Variants in RIMBP2 observed in about 807,000 individuals in gnomAD.
RIMBP2 encodes the protein RIMS-binding protein 2.
RIMBP2 carries 48 observed loss-of-function variants against 118.6 expected under a neutral mutation model. The observed-to-expected ratio is 0.40, with a 90% CI of 0.32 to 0.51. RIMBP2 has a LOEUF of 0.51. RIMBP2 is among the 20% of genes least tolerant of loss of function. RIMBP2 has a pLI of 0.41. For synonymous variants in RIMBP2, 762 were observed against 742.9 expected (o/e 1.03, Z -0.42); for missense variants, 1,551 against 1,768.3 (o/e 0.88, Z 2.20).
In RIMBP2 at chr12:130,447,307, C is replaced by T. The variant is rs140951885; in HGVS notation, c.582-2038G>A. On this transcript the variant is annotated intron_variant, in intron 9 of 22. Transcript: ENST00000690449. The surrounding 1 kb of genome is among the most constrained non-coding windows in gnomAD (Gnocchi z 4.4). ...CACGGAGAAGAAGTGGGAGATCCTACGGCTGTCGTGACAACCTCGTCGGTG... is the reference window on the plus strand; with the variant it reads ...CACGGAGAAGAAGTGGGAGATCCTATGGCTGTCGTGACAACCTCGTCGGTG... Among the ~76,000 whole-genome samples the T allele has an allele frequency of 1.5e-4, 23 of 151,954 alleles. No individual in the cohort carries two copies. The East Asian group carries it at 2.7e-3, about 18-fold the overall frequency.
At chr12:130,563,447 T>C (rs1179795284) in intron 2 of RIMBP2, among the ~76,000 whole-genome samples, 2 of 152,214 alleles carry the variant, frequency 1.3e-5, no homozygotes, top group Non-Finnish European at 2.9e-5. Context: ...CAAAGGTTAA[T>C]AGCAAAAGGT....
At chr12:130,465,817 A>G (rs2080418736) in intron 6 of RIMBP2, 1 of 152,246 alleles carries the variant, frequency 6.6e-6, no homozygotes. Flanking sequence ...AGCTGCCAAC[A>G]CTGACTTATG....
rs574418653 is a variant in RIMBP2 at position 130,438,308 on chromosome 12, G to A, written c.1656+57C>T. 3.5e-5 allele frequency: 55 copies of A among 1,590,092 alleles called. No individual in the cohort carries two copies. The Admixed American group carries it at 5.2e-4, about 15-fold the overall frequency. ...TCCTCCACTGAGCAAATACCGGGCC[G>A]GTCCCTGCTGCGTTAGGGCCTAACA... On this transcript the variant is annotated intron_variant, in intron 12 of 22. Transcript: ENST00000690449.
At chr12:130,603,276 ATCAG>A (rs1200295224) in intron 2 of RIMBP2, among the ~76,000 whole-genome samples, 1 of 152,206 alleles carries the variant, frequency 6.6e-6, no homozygotes, top group African/African-American at 2.4e-5. Context: ...TGGCAGGATC[ATCAG>A]TCAGTTGGCC....
chr12:130,633,956 G>T (rs960069831), intron 1 of RIMBP2: 1 of 152,234 alleles, frequency 6.6e-6, no homozygotes, highest in Non-Finnish European at 1.5e-5. Context: ...TTATTCATGG[G>T]CTGCCCAAGC....
intron 4 of RIMBP2, among the ~76,000 whole-genome samples, chr12:130,499,987 T>C (rs909967689): frequency 1.8e-4 from 28 of 152,262 alleles, no homozygotes; most frequent in Admixed American, 7.2e-4. Context: ...ATGTGCAAGT[T>C]TGTTATATAG....
chr12:130,712,102 C>CTGGG (rs1318478840), intron 1 of RIMBP2, among the ~76,000 whole-genome samples: 1 of 152,214 alleles, frequency 6.6e-6, no homozygotes, highest in African/African-American at 2.4e-5. Flanking sequence ...GGAAGTGACT[C>CTGGG]TGGGTGGGTG....
rs1051577404 is a variant in RIMBP2, at chr12:130,576,442, G to A, written c.-217+51880C>T. On this transcript the variant is annotated intron_variant, in intron 2 of 22. Coordinates refer to ENST00000690449, the MANE Select transcript of RIMBP2 (RefSeq NM_001393629.1). This position sits in a 1 kb window ranked among gnomAD's most constrained non-coding sequence, Gnocchi z 4.2. ...ACTACCCGTGGGCAGCTGGCAGGTG[G>A]CCAGCTGCATGCCGGCATCCAAGCT... 3.3e-5 allele frequency among the ~76,000 whole-genome samples: 5 copies of A among 152,064 alleles called. No homozygotes were observed. Among genetic ancestry groups the A allele is most frequent in the Admixed American group, 2.0e-4 (3 of 15,278 alleles).
chr12:130,563,619 C>T (rs2056984302), intron 2 of RIMBP2, among the ~76,000 whole-genome samples: 1 of 152,200 alleles, frequency 6.6e-6, no homozygotes, highest in African/African-American at 2.4e-5. Context: ...TGCCCTACTG[C>T]AGCAGGGCTT....
In RIMBP2 at chr12:130,528,667, C is replaced by T. The variant is rs113708846; in HGVS notation, c.-216-10750G>A. Among the ~76,000 whole-genome samples, 465 of 152,334 alleles carry T rather than the reference C, an allele frequency of 3.1e-3. 2 individuals carry two copies. Among genetic ancestry groups the T allele is most frequent in the Non-Finnish European group, 4.4e-3 (301 of 68,034 alleles). ...AACTTACATGTATCTGCAATGCATA[C>T]TCTGACTTCCAAGTGGAAAAGAAAC... On this transcript the variant is annotated intron_variant, in intron 2 of 22. Transcript: ENST00000690449.
chr12:130,707,144 C>A (rs1300042109), intron 1 of RIMBP2, among the ~76,000 whole-genome samples: 1 of 152,054 alleles, frequency 6.6e-6, no homozygotes, highest in Non-Finnish European at 1.5e-5. Flanking sequence ...CAGGGGACAC[C>A]CAGGCCTGAG....
At chr12:130,399,952 C>A (rs927728416) in intron 21 of RIMBP2, 139 bp from the exon 22 acceptor site, 13 of 970,238 alleles carry the variant, frequency 1.3e-5, no homozygotes, top group Middle Eastern at 3.3e-4. Flanking sequence ...CTTGAAAGGA[C>A]TCTAAATCAG....
chr12:130,661,606 G>A (rs1171201009), intron 1 of RIMBP2, among the ~76,000 whole-genome samples: 3 of 152,160 alleles, frequency 2.0e-5, no homozygotes, highest in Non-Finnish European at 4.4e-5. Context: ...TGTAGCAGGC[G>A]TTAGCATCTG....
At chr12:130,562,497 C>T (rs1342247268) in intron 2 of RIMBP2, among the ~76,000 whole-genome samples, 1 of 152,234 alleles carries the variant, frequency 6.6e-6, no homozygotes, top group Non-Finnish European at 1.5e-5. Context: ...CAGGACCAGT[C>T]ACCTTTGCTT....
intron 2 of RIMBP2, among the ~76,000 whole-genome samples, chr12:130,521,933 G>T (rs1453856341): frequency 6.6e-6 from 1 of 152,204 alleles, no homozygotes; most frequent in East Asian, 1.9e-4. Flanking sequence ...TTCCCAGCCA[G>T]TGGATGCCCT....
At chr12:130,632,391 A>T (rs916005017) in intron 1 of RIMBP2, among the ~76,000 whole-genome samples, 4 of 151,302 alleles carry the variant, frequency 2.6e-5, no homozygotes, top group Admixed American at 6.6e-5. Context: ...AGTGATGTAC[A>T]TTTTTTTTTT....
rs57201995 is a variant in RIMBP2 at position 130,704,646 on chromosome 12, A to C, written c.-352+11576T>G. Among the ~76,000 whole-genome samples the C allele has an allele frequency of 1.3e-3, 198 of 152,264 alleles. 2 individuals are homozygous for C. Among genetic ancestry groups the C allele is most frequent in the African/African-American group, 4.6e-3 (192 of 41,552 alleles). On this transcript the variant is annotated intron_variant, in intron 1 of 22. Transcript: ENST00000690449. ...AGTTTTTAAATCTCAAATTAATTAG[A>C]TGGCACTCCGCATTTTCTAACCCAC... is the stretch of plus-strand genomic sequence containing the variant.
chr12:130,669,671 C>T (rs919985344), intron 1 of RIMBP2, among the ~76,000 whole-genome samples: 3 of 152,182 alleles, frequency 2.0e-5, no homozygotes, highest in African/African-American at 7.2e-5. Flanking sequence ...CAACCTCTTT[C>T]CTTTATAAAT....
At chr12:130,506,373 G>A (rs1260298895) in intron 4 of RIMBP2, among the ~76,000 whole-genome samples, 1 of 152,180 alleles carries the variant, frequency 6.6e-6, no homozygotes, top group African/African-American at 2.4e-5. Context: ...CAGGAGCGGT[G>A]TGCCTGCCAC....
Sources: gnomAD v4.1 joint callset for allele counts (sites outside exome capture counted in the v4.1 genomes callset) on GRCh38, gnomAD v4.1.1 for gene constraint, Gnocchi (gnomAD v3.1) non-coding constraint, MANE v1.5 for transcripts, NCBI Gene and HGNC (gene_info 2026-07-23, HGNC 2026-07-21) for gene names.